Variants in KIF26B observed in about 807,000 individuals in gnomAD.
KIF26B encodes the protein kinesin family member 26B.
A neutral mutation model predicts 151.2 loss-of-function variants in KIF26B; 63 were observed. The observed-to-expected ratio is 0.42, with a 90% CI of 0.34 to 0.51. The LOEUF is 0.51. KIF26B is among the 20% of genes least tolerant of loss of function. The pLI is 0.07. For missense variants in KIF26B, 2,813 were observed against 2,913.6 expected, an observed-to-expected ratio of 0.97 and a Z score of 0.79; for synonymous variants, 1,357 against 1,262.1, an observed-to-expected ratio of 1.08 and a Z score of -1.59.
intron 10 of KIF26B, among the ~76,000 whole-genome samples, chr1:245,683,791 G>T (rs1204987643): frequency 6.6e-6 from 1 of 152,220 alleles, no homozygotes; most frequent in Non-Finnish European, 1.5e-5. Flanking sequence ...CTTTAATCCA[G>T]GTTCGTGGCA....
chr1:245,169,651 A>G (rs1246335247), intron 2 of KIF26B, among the ~76,000 whole-genome samples: 1 of 151,996 alleles, frequency 6.6e-6, no homozygotes, highest in Non-Finnish European at 1.5e-5. Context: ...CATGGTTTCA[A>G]TATATCCAAT....
Position 245,646,123 on chromosome 1 carries a change from T to C in KIF26B, c.2101T>C (p.Ser701Pro), listed in dbSNP as rs1273284437. 5 of 1,613,928 alleles carry C rather than the reference T, an allele frequency of 3.1e-6. No homozygotes were observed. The highest frequency in any genetic ancestry group is 4.2e-6 in the Non-Finnish European group (5 of 1,179,846). ...TTTTATCTTCTCCCCTGTGGTAGTG[T>C]CTGGAGGTCGCAGCCGCCTGCATCT... ...RMEKSGKGGMSGGRSRLHLID... is the reference protein window; with the variant it reads ...RMEKSGKGGMPGGRSRLHLID... The change falls in exon 10 of 15, where the codon TCT becomes CCT. Residue 701 changes from serine (S) to proline (P), a missense_variant and splice_region_variant. This residue lies in a region of KIF26B where 2,060 missense variants were observed against 2,088.6 expected (regional missense o/e 0.99). Coordinates refer to ENST00000407071, the MANE Select transcript of KIF26B (RefSeq NM_018012.4).
Position 245,359,022 on chromosome 1 carries a change from C to CTTT in KIF26B, c.466-7803_466-7801dup, listed in dbSNP as rs544907561. On this transcript the variant is annotated intron_variant, in intron 2 of 14. Transcript: ENST00000407071. ...CTGATGTGAAATCAGGTTTCTCTCT[C>CTTT]TTTTTTTTTTTCTTGAGATGGAGTC... 9.0e-3 allele frequency among the ~76,000 whole-genome samples: 1,334 copies of CTTT among 147,604 alleles called. 22 individuals are homozygous for CTTT. The highest frequency in any genetic ancestry group is 0.04 in the East Asian group (201 of 5,074).
Position 245,602,730 on chromosome 1 carries a change from G to C in KIF26B, c.1504G>C (p.Val502Leu), listed in dbSNP as rs1312662452. ...TGCCTTCCAAAAGAGAGGCAACCAG[G>C]TTCCTCCAAAGATGTTTGCCTTCGA... The part of the protein sequence containing the change: ...QNAFQKRGNQ[V>L]PPKMFAFDAV... The change falls in exon 6 of 15, where the codon GTT becomes CTT. Residue 502 changes from valine (V) to leucine (L), a missense_variant. Val to Leu is a conservative substitution (Grantham distance 32). This residue lies in a region of KIF26B where 676 missense variants were observed against 688.1 expected (regional missense o/e 0.98). Transcript: ENST00000407071. This position sits in a 1 kb window ranked among gnomAD's most constrained non-coding sequence, Gnocchi z 4.5. 1 of 1,613,888 alleles carries C rather than the reference G, an allele frequency of 6.2e-7. No homozygotes were observed. The highest frequency in any genetic ancestry group is 1.3e-5 in the African/African-American group (1 of 74,908).
At chr1:245,253,909 A>G (rs899135457) in intron 2 of KIF26B, among the ~76,000 whole-genome samples, 1 of 140,726 alleles carries the variant, frequency 7.1e-6, no homozygotes, top group African/African-American at 2.7e-5. Flanking sequence ...TCCCGGGTTC[A>G]CGCCATTCTC....
intron 2 of KIF26B, among the ~76,000 whole-genome samples, chr1:245,273,230 A>C (rs1301684712): frequency 1.3e-5 from 2 of 152,134 alleles, no homozygotes; most frequent in Non-Finnish European, 2.9e-5. Flanking sequence ...CATGGGCAAC[A>C]TGGTGAAACC....
chr1:245,585,317 A>C (rs2043213061), intron 5 of KIF26B, among the ~76,000 whole-genome samples: 1 of 152,206 alleles, frequency 6.6e-6, no homozygotes, highest in Non-Finnish European at 1.5e-5. Flanking sequence ...TTAAACAAAA[A>C]CGTGTCTAGG....
intron 3 of KIF26B, among the ~76,000 whole-genome samples, chr1:245,393,017 A>T (rs554307949): frequency 1.6e-4 from 24 of 152,172 alleles, no homozygotes; most frequent in Non-Finnish European, 2.5e-4. Flanking sequence ...CTAAAGATAC[A>T]AAAATTAGCT....
intron 4 of KIF26B, among the ~76,000 whole-genome samples, chr1:245,462,051 G>A (rs1456336790): frequency 6.6e-6 from 1 of 152,074 alleles, no homozygotes; most frequent in Non-Finnish European, 1.5e-5. Flanking sequence ...GAGGCCAGGA[G>A]TTTGAGGTTA....
rs1481638445 is a variant in KIF26B, at chr1:245,607,601, C to G, written c.1558-50C>G. 4 of 1,462,100 alleles carry G rather than the reference C, an allele frequency of 2.7e-6. No individual in the cohort carries two copies. The South Asian group carries it at 3.7e-5, about 14-fold the overall frequency. The allele number at this position is 1,462,100 out of a possible 1,614,324, so 90.6% of individuals were successfully genotyped here. A position where few individuals can be genotyped will look rare whatever the true frequency, so the allele number is the denominator to read the frequency against. Reference sequence around the variant, plus strand: ...GGCTCACTTTCGTTGTTAGTGGTGTCTCCGCTGCGAGGTCCATTCACGGCT... The same window carrying G: ...GGCTCACTTTCGTTGTTAGTGGTGTGTCCGCTGCGAGGTCCATTCACGGCT... On this transcript the variant is annotated intron_variant, in intron 6 of 14. Transcript: ENST00000407071.
intron 2 of KIF26B, among the ~76,000 whole-genome samples, chr1:245,200,252 A>C (rs1429737389): frequency 6.6e-6 from 1 of 152,238 alleles, no homozygotes; most frequent in East Asian, 1.9e-4. Flanking sequence ...GCAGCAGCAC[A>C]CAGCATTCAA....
chr1:245,234,224 C>A lies in KIF26B; in HGVS notation c.465+77541C>A, dbSNP rs148672897. On this transcript the variant is annotated intron_variant, in intron 2 of 14. Transcript: ENST00000407071. ...GAAAAGAAAAAAGAAATTTCAACAC[C>A]GTAGCCTGTTCCCAGTGGAGGAAAT... Among the ~76,000 whole-genome samples the A allele has an allele frequency of 6.0e-4, 91 of 152,204 alleles. No homozygotes were observed. In the Middle Eastern group the frequency reaches 0.01, roughly 17 times the overall value.
intron 12 of KIF26B, among the ~76,000 whole-genome samples, chr1:245,689,428 C>G (rs889254891): frequency 2.0e-5 from 3 of 152,236 alleles, no homozygotes; most frequent in Non-Finnish European, 4.4e-5. Context: ...TGGCGAGGCC[C>G]TTCCTCCACC....
At position 245,555,374 on chromosome 1, in the gene KIF26B, C is replaced by T. The variant is rs184123315; in HGVS notation, c.1350+14424C>T. Among the ~76,000 whole-genome samples the T allele has an allele frequency of 3.0e-4, 45 of 152,304 alleles. 1 individual carries two copies. Among genetic ancestry groups the T allele is most frequent in the Admixed American group, 3.9e-4 (6 of 15,300 alleles). On this transcript the variant is annotated intron_variant, in intron 5 of 14. Transcript: ENST00000407071. ...GAGTGCTCCGGGACGCTTCTCGCCT[C>T]GTCTCTTACGTGTGCTTCTTCTCAC...
At chr1:245,203,918 G>A (rs747274993) in intron 2 of KIF26B, among the ~76,000 whole-genome samples, 1 of 152,202 alleles carries the variant, frequency 6.6e-6, no homozygotes, top group South Asian at 2.1e-4. Context: ...TGTTGAAAGA[G>A]CTTCAGGATA....
At chr1:245,294,750 C>T (rs4658453) in intron 2 of KIF26B, among the ~76,000 whole-genome samples, 72,111 of 151,792 alleles carry the variant, frequency 0.48, 17,488 homozygotes, top group East Asian at 0.66. Flanking sequence ...GCAACCTCCA[C>T]CTCCCGGGTT....
At chr1:245,230,221 A>G (rs1167178650) in intron 2 of KIF26B, among the ~76,000 whole-genome samples, 2 of 151,922 alleles carry the variant, frequency 1.3e-5, no homozygotes, top group Non-Finnish European at 2.9e-5. Flanking sequence ...GGTGTACCGC[A>G]GACTTGGGGA....
intron 4 of KIF26B, among the ~76,000 whole-genome samples, chr1:245,525,571 C>G (rs1232607371): frequency 6.6e-6 from 1 of 152,134 alleles, no homozygotes; most frequent in African/African-American, 2.4e-5. Context: ...TTGTCAAAGC[C>G]TAGCTGTTGT....
intron 9 of KIF26B, chr1:245,614,800 G>C (rs1339307779): frequency 1.3e-5 from 2 of 152,298 alleles, no homozygotes; most frequent in African/African-American, 2.4e-5. Flanking sequence ...TTGGTAACAG[G>C]CTCACACCAT....
Sources: gnomAD v4.1 joint callset for allele counts (sites outside exome capture counted in the v4.1 genomes callset) on GRCh38, gnomAD v4.1.1 for gene constraint, gnomAD v4.1.1 regional missense constraint, Gnocchi (gnomAD v3.1) non-coding constraint, MANE v1.5 for transcripts, NCBI Gene and HGNC (gene_info 2026-07-23, HGNC 2026-07-21) for gene names.